Variants in KCTD8 observed in about 807,000 individuals in gnomAD.
The protein encoded by KCTD8 is BTB/POZ domain-containing protein KCTD8.
Under a neutral mutation model 31.5 loss-of-function variants are expected in KCTD8, and 27 were observed. The observed-to-expected ratio is 0.86, with a 90% CI of 0.63 to 1.18. KCTD8 has a LOEUF of 1.18. Among genes scored for constraint, KCTD8 ranks in the 50% most tolerant of loss-of-function variants. The pLI is 0.00. For missense variants in KCTD8, 658 were observed against 647.7 expected (o/e 1.02, Z -0.17); for synonymous variants, 290 against 280.0 (o/e 1.04, Z -0.36).
intron 1 of KCTD8, among the ~76,000 whole-genome samples, chr4:44,263,251 C>T (rs967521411): frequency 1.3e-5 from 2 of 152,088 alleles, no homozygotes; most frequent in Non-Finnish European, 2.9e-5. Context: ...TGTTGAAAAT[C>T]TAGGTAGATG....
intron 1 of KCTD8, among the ~76,000 whole-genome samples, chr4:44,384,983 G>A (rs1261752182): frequency 6.9e-5 from 10 of 145,296 alleles, no homozygotes; most frequent in Admixed American, 6.8e-4. Context: ...GAAGAATATA[G>A]ACCAAAAAAA....
At chr4:44,373,591 T>C (rs923582132) in intron 1 of KCTD8, among the ~76,000 whole-genome samples, 8 of 152,188 alleles carry the variant, frequency 5.3e-5, no homozygotes, top group African/African-American at 1.9e-4. Flanking sequence ...TCTTGACCCA[T>C]AGGAAGTATT....
intron 1 of KCTD8, among the ~76,000 whole-genome samples, chr4:44,267,972 G>A (rs1716443693): frequency 1.3e-5 from 2 of 152,262 alleles, no homozygotes; most frequent in Admixed American, 6.5e-5. Context: ...GTACAAGGAG[G>A]AACTGGTACC....
chr4:44,362,241 G>A (rs1198459441), intron 1 of KCTD8, among the ~76,000 whole-genome samples: 1 of 152,118 alleles, frequency 6.6e-6, no homozygotes, highest in Non-Finnish European at 1.5e-5. Flanking sequence ...CCAAATTTTG[G>A]TTGATTTTAG....
At chr4:44,266,745 T>A (rs910588340) in intron 1 of KCTD8, among the ~76,000 whole-genome samples, 1 of 152,122 alleles carries the variant, frequency 6.6e-6, no homozygotes, top group Admixed American at 6.5e-5. Flanking sequence ...GTTGCAATCC[T>A]AGTCTCTGAT....
chr4:44,275,205 T>C (rs1035286836), intron 1 of KCTD8, among the ~76,000 whole-genome samples: 2 of 151,872 alleles, frequency 1.3e-5, no homozygotes, highest in Non-Finnish European at 2.9e-5. Flanking sequence ...CTAGAGATAA[T>C]AGGCATATAA....
intron 1 of KCTD8, among the ~76,000 whole-genome samples, chr4:44,204,848 T>A (rs373461292): frequency 2.6e-5 from 4 of 152,144 alleles, no homozygotes; most frequent in South Asian, 4.1e-4. Context: ...TATTTGATAG[T>A]ATGGTTTATC....
At chr4:44,198,965 C>A (rs1714034615) in intron 1 of KCTD8, among the ~76,000 whole-genome samples, 1 of 151,890 alleles carries the variant, frequency 6.6e-6, no homozygotes, top group East Asian at 1.9e-4. Flanking sequence ...AGCTACCAGG[C>A]AAACAGAAAA....
At chr4:44,316,210 C>T (rs930099342) in intron 1 of KCTD8, among the ~76,000 whole-genome samples, 4 of 151,982 alleles carry the variant, frequency 2.6e-5, no homozygotes, top group African/African-American at 9.7e-5. Context: ...TATATCTTAA[C>T]TATGTTGATT....
intron 1 of KCTD8, among the ~76,000 whole-genome samples, chr4:44,329,745 A>C (rs1393920905): frequency 6.6e-6 from 1 of 151,986 alleles, no homozygotes; most frequent in Non-Finnish European, 1.5e-5. Flanking sequence ...TGAAAATATG[A>C]GCCCCCTGTG....
chr4:44,380,064 T>A (rs1373744345), intron 1 of KCTD8, among the ~76,000 whole-genome samples: 1 of 152,070 alleles, frequency 6.6e-6, no homozygotes, highest in East Asian at 1.9e-4. Flanking sequence ...TAGCCATAGA[T>A]ATAGATGTGT....
intron 1 of KCTD8, among the ~76,000 whole-genome samples, chr4:44,386,851 G>A (rs1045215302): frequency 4.6e-5 from 7 of 151,566 alleles, no homozygotes; most frequent in African/African-American, 7.2e-5. Flanking sequence ...CAACCTAAAT[G>A]TTCATCAACA....
intron 1 of KCTD8, among the ~76,000 whole-genome samples, chr4:44,221,907 A>G (rs1714819549): frequency 6.6e-6 from 1 of 152,152 alleles, no homozygotes; most frequent in Non-Finnish European, 1.5e-5. Context: ...ACTTTGCATC[A>G]TTCAATCCAA....
chr4:44,259,914 T>G (rs574701433), intron 1 of KCTD8, among the ~76,000 whole-genome samples: 2 of 152,046 alleles, frequency 1.3e-5, no homozygotes, highest in African/African-American at 4.8e-5. Flanking sequence ...TTGCTACAAA[T>G]TGAACATTTT....
At position 44,175,096 on chromosome 4, in the gene KCTD8, G is replaced by A. The variant is rs926859317; in HGVS notation, c.1116C>T (p.Asn372=). The part of the protein sequence containing the change: ...SHSEASTPQD[N]PSSAQQATAH... ...CTGTTGCCTGCTGGGCACTGGATGG[G>A]TTGTCCTGGGGAGTGCTTGCCTCTG... is the stretch of plus-strand genomic sequence containing the variant. Residue 372 remains asparagine (N), a synonymous_variant, in exon 2 of 2, where the codon AAC becomes AAT. Transcript: ENST00000360029. 8.1e-6 allele frequency: 13 copies of A among 1,613,936 alleles called. No homozygotes were observed. Among genetic ancestry groups the A allele is most frequent in the Admixed American group, 5.0e-5 (3 of 59,980 alleles).
chr4:44,264,229 T>G (rs1184649106), intron 1 of KCTD8, among the ~76,000 whole-genome samples: 18 of 152,194 alleles, frequency 1.2e-4, no homozygotes, highest in Non-Finnish European at 7.4e-5. Flanking sequence ...AGTTCAAAAT[T>G]GAAACTTTGA....
At chr4:44,285,557 G>A (rs937787352) in intron 1 of KCTD8, among the ~76,000 whole-genome samples, 5 of 151,984 alleles carry the variant, frequency 3.3e-5, no homozygotes, top group African/African-American at 9.7e-5. Context: ...CCACCATGGC[G>A]TATGTATACT....
chr4:44,342,680 C>T (rs756442137), intron 1 of KCTD8, among the ~76,000 whole-genome samples: 5 of 152,340 alleles, frequency 3.3e-5, no homozygotes, highest in Middle Eastern at 3.4e-3. Flanking sequence ...GATGGTATCT[C>T]CTTCCAATAG....
chr4:44,324,489 T>A (rs910276687), intron 1 of KCTD8, among the ~76,000 whole-genome samples: 1 of 152,098 alleles, frequency 6.6e-6, no homozygotes, highest in African/African-American at 2.4e-5. Context: ...ACAGTTTAAC[T>A]GTCAGAAAGT....
Sources: gnomAD v4.1 joint callset for allele counts (sites outside exome capture counted in the v4.1 genomes callset) on GRCh38, gnomAD v4.1.1 for gene constraint, MANE v1.5 for transcripts, NCBI Gene and HGNC (gene_info 2026-07-23, HGNC 2026-07-21) for gene names.